Variants in TIAM1 observed in about 807,000 individuals in gnomAD.
The protein encoded by TIAM1 is rho guanine nucleotide exchange factor TIAM1.
TIAM1 carries 65 observed loss-of-function variants against 163.5 expected under a neutral mutation model. The ratio of observed to expected loss-of-function variants is 0.40; its 90% CI spans 0.33 to 0.49. The LOEUF is 0.49. Among genes scored for constraint, TIAM1 ranks in the 20% least tolerant of loss-of-function variants. The probability of loss-of-function intolerance (pLI) is 0.77; values close to 1 mark genes in which losing one functional copy is unlikely to be tolerated. For synonymous variants in TIAM1, 833 were observed against 810.1 expected, an observed-to-expected ratio of 1.03 and a Z score of -0.48; for missense variants, 1,789 against 2,044.7, an observed-to-expected ratio of 0.87 and a Z score of 2.41.
intron 19 of TIAM1, among the ~76,000 whole-genome samples, chr21:31,151,779 A>G (rs1021775634): frequency 2.0e-5 from 3 of 152,146 alleles, no homozygotes; most frequent in African/African-American, 7.2e-5. Context: ...GTAAGCCAAC[A>G]CATGAAGCAA....
rs188836996 is a variant in TIAM1 at position 31,169,111 on chromosome 21, C to T, written c.2888-4046G>A. 7.9e-5 allele frequency among the ~76,000 whole-genome samples: 12 copies of T among 152,058 alleles called. 1 individual carries two copies. The South Asian group carries it at 1.0e-3, about 13-fold the overall frequency. The stretch of plus-strand genomic sequence containing the variant: ...GAGTTCAAGACCAGTGTGGCCAACA[C>T]GGTGAAATGCCATCTCTACTAAAAA... On this transcript the variant is annotated intron_variant, in intron 15 of 27. Transcript: ENST00000541036.
At chr21:31,288,878 G>A (rs2073913481) in intron 2 of TIAM1, among the ~76,000 whole-genome samples, 1 of 152,188 alleles carries the variant, frequency 6.6e-6, no homozygotes, top group Non-Finnish European at 1.5e-5. Context: ...GGATGCCTCA[G>A]CCTTGGCATC....
chr21:31,380,364 T>G (rs965043670), intron 2 of TIAM1, among the ~76,000 whole-genome samples: 1 of 152,152 alleles, frequency 6.6e-6, no homozygotes, highest in African/African-American at 2.4e-5. Flanking sequence ...TCCAACATGG[T>G]GAAACCCTGT....
rs552693221 is a variant in TIAM1, at chr21:31,498,994, G to A, written c.-421-34959C>T. ...AGAGCGAAGAGAAGAGAAGGGAGGG[G>A]AGGGGAGGGGAGGGGAGGGGGAAAG... On this transcript the variant is annotated intron_variant, in intron 1 of 28. Transcript: ENST00000286827. Among the ~76,000 whole-genome samples, 390 of 148,776 alleles carry A rather than the reference G, an allele frequency of 2.6e-3. 1 individual carries two copies. Among genetic ancestry groups the A allele is most frequent in the African/African-American group, 9.3e-3 (378 of 40,588 alleles).
At chr21:31,209,078 A>G (rs992309295) in intron 11 of TIAM1, among the ~76,000 whole-genome samples, 7 of 152,022 alleles carry the variant, frequency 4.6e-5, no homozygotes, top group African/African-American at 1.7e-4. Context: ...TCTTGTGGAC[A>G]CTCGGCACTG....
At chr21:31,167,621 G>A (rs144592228) in intron 15 of TIAM1, among the ~76,000 whole-genome samples, 73 of 152,220 alleles carry the variant, frequency 4.8e-4, no homozygotes, top group African/African-American at 1.5e-3. Context: ...CTAAAACGGC[G>A]TTTCCCACAG....
At chr21:31,366,279 T>C (rs1435256139) in intron 2 of TIAM1, among the ~76,000 whole-genome samples, 1 of 152,112 alleles carries the variant, frequency 6.6e-6, no homozygotes, top group Non-Finnish European at 1.5e-5. Flanking sequence ...AACTCTTAGT[T>C]TGTCACATTG....
chr21:31,328,089 C>T (rs764166502), intron 2 of TIAM1, among the ~76,000 whole-genome samples: 3 of 152,088 alleles, frequency 2.0e-5, no homozygotes, highest in South Asian at 2.1e-4. Context: ...GCACAGGGCT[C>T]GCTTCCTCAA....
chr21:31,508,897 T>C (rs2047120346), intron 1 of TIAM1, among the ~76,000 whole-genome samples: 1 of 152,128 alleles, frequency 6.6e-6, no homozygotes, highest in African/African-American at 2.4e-5. Flanking sequence ...ACTATTGGTA[T>C]TAAGATATGA....
intron 2 of TIAM1, among the ~76,000 whole-genome samples, chr21:31,333,978 T>A (rs2075762644): frequency 6.6e-6 from 1 of 152,242 alleles, no homozygotes; most frequent in South Asian, 2.1e-4. Flanking sequence ...TTACCTTACC[T>A]TGGCTTGTTG....
rs559313894 is a variant in TIAM1, at chr21:31,154,167, G to GT, written c.3171+79dup. ...TTCATGAACACAGTTTAAATCAGCTGTTAATGAAAACCAGCAGACACACCA... is the reference window on the plus strand; with the variant it reads ...TTCATGAACACAGTTTAAATCAGCTGTTTAATGAAAACCAGCAGACACACCA... On this transcript the variant is annotated intron_variant, in intron 17 of 27. Coordinates refer to ENST00000541036, the MANE Select transcript of TIAM1 (RefSeq NM_001353694.2). 5.2e-4 allele frequency: 763 copies of GT among 1,463,434 alleles called. 5 individuals are homozygous for GT. The African/African-American group carries it at 9.6e-3, about 18-fold the overall frequency. The allele number at this position is 1,463,434 out of a possible 1,614,324, so 90.7% of individuals were successfully genotyped here.
chr21:31,557,978 T>A (rs1033030006), intron 1 of TIAM1, among the ~76,000 whole-genome samples: 28 of 152,126 alleles, frequency 1.8e-4, no homozygotes, highest in African/African-American at 6.0e-4. Context: ...CGAGACGGCA[T>A]CTTTCCCCTG....
intron 3 of TIAM1, among the ~76,000 whole-genome samples, chr21:31,272,398 G>A (rs879678123): frequency 6.6e-6 from 1 of 151,710 alleles, no homozygotes; most frequent in Non-Finnish European, 1.5e-5. Flanking sequence ...ATTAGTTAGG[G>A]TGGTTCATAT....
chr21:31,285,161 C>A (rs1053277151), intron 2 of TIAM1, among the ~76,000 whole-genome samples: 1 of 151,946 alleles, frequency 6.6e-6, no homozygotes, highest in African/African-American at 2.4e-5. Context: ...ATGTGGTCAT[C>A]AGCTATGATT....
intron 4 of TIAM1, among the ~76,000 whole-genome samples, chr21:31,258,478 G>A (rs1290124203): frequency 6.6e-6 from 1 of 152,180 alleles, no homozygotes; most frequent in African/African-American, 2.4e-5. Flanking sequence ...TTGTGTGGAT[G>A]CAATCGGAGT....
At chr21:31,413,264 C>CTTTTTT (rs397866519) in intron 2 of TIAM1, among the ~76,000 whole-genome samples, 1,264 of 87,954 alleles carry the variant, frequency 0.014, 2 homozygotes, top group East Asian at 0.023. Context: ...CTTTTCTTTT[C>CTTTTTT]TTTTTTTTTT....
At chr21:31,210,665 G>A (rs113489399) in intron 10 of TIAM1, among the ~76,000 whole-genome samples, 6 of 18,656 alleles carry the variant, frequency 3.2e-4, no homozygotes, top group African/African-American at 6.6e-4. Flanking sequence ...AAGAAAGAAA[G>A]AAAAAGAAAG....
At chr21:31,285,617 T>TG (rs1419823211) in intron 2 of TIAM1, among the ~76,000 whole-genome samples, 3 of 152,260 alleles carry the variant, frequency 2.0e-5, no homozygotes, top group African/African-American at 7.2e-5. Context: ...CCCAGCACTT[T>TG]GGGGGGCCAA....
At chr21:31,132,419 AC>A (rs1208691296) in intron 23 of TIAM1, among the ~76,000 whole-genome samples, 1 of 152,094 alleles carries the variant, frequency 6.6e-6, no homozygotes, top group Non-Finnish European at 1.5e-5. Flanking sequence ...GTTCACACTG[AC>A]CCGAGGAGGC....
Sources: allele counts gnomAD v4.1 joint callset (sites outside exome capture counted in the v4.1 genomes callset), GRCh38; gene constraint gnomAD v4.1.1; transcripts MANE v1.5; gene names NCBI Gene and HGNC (gene_info 2026-07-23, HGNC 2026-07-21).